AFF3: variants seen among roughly 807,000 people sequenced by gnomAD.
The protein encoded by AFF3 is ALF transcription elongation factor 3.
Under a neutral mutation model 129.7 loss-of-function variants are expected in AFF3, and 32 were observed. The observed-to-expected ratio is 0.25, with a 90% CI of 0.19 to 0.33. The LOEUF (loss-of-function observed/expected upper bound fraction) is 0.33. Ranked by LOEUF, AFF3 falls within the 10% of genes least tolerant of loss-of-function variation. The pLI, the probability that AFF3 is intolerant of heterozygous loss-of-function variation, is 1.00. For synonymous variants in AFF3, 644 were observed against 635.4 expected, an observed-to-expected ratio of 1.01 and a Z score of -0.20; for missense variants, 1,373 against 1,592.0, an observed-to-expected ratio of 0.86 and a Z score of 2.34.
chr2:99,913,184 G>C (rs1217034677), intron 7 of AFF3, among the ~76,000 whole-genome samples: 1 of 152,126 alleles, frequency 6.6e-6, no homozygotes, highest in Admixed American at 6.5e-5. Context: ...CATACAACAG[G>C]AAACTTTATA....
intron 4 of AFF3, among the ~76,000 whole-genome samples, chr2:100,039,417 G>A (rs974382575): frequency 1.3e-5 from 2 of 152,152 alleles, no homozygotes; most frequent in African/African-American, 4.8e-5. Flanking sequence ...AACTAGCCAG[G>A]TGTGGTGGCT....
chr2:99,572,286 T>TCCCCCCCC (rs1383965658), intron 18 of AFF3, among the ~76,000 whole-genome samples: 67 of 45,730 alleles, frequency 1.5e-3, no homozygotes, highest in Non-Finnish European at 1.7e-3. Context: ...CTCTTCCCCC[T>TCCCCCCCC]CCCACCACCC....
intron 20 of AFF3, among the ~76,000 whole-genome samples, chr2:99,562,832 T>C (rs917183679): frequency 6.6e-6 from 1 of 152,214 alleles, no homozygotes; most frequent in Non-Finnish European, 1.5e-5. Flanking sequence ...GTGGTTCCAA[T>C]GATAATTTAA....
chr2:99,836,781 A>G (rs1244355054), intron 8 of AFF3, among the ~76,000 whole-genome samples: 1 of 152,128 alleles, frequency 6.6e-6, no homozygotes, highest in Non-Finnish European at 1.5e-5. Flanking sequence ...GTGTAGTATC[A>G]GCTTTTTGAG....
intron 8 of AFF3, among the ~76,000 whole-genome samples, chr2:99,816,703 G>A (rs1326017151): frequency 6.6e-6 from 1 of 152,022 alleles, no homozygotes; most frequent in African/African-American, 2.4e-5. Context: ...GGTATCTGAT[G>A]TTCCGATTAA....
At chr2:100,139,638 C>T (rs1399278200) in intron 1 of AFF3, among the ~76,000 whole-genome samples, 2 of 152,112 alleles carry the variant, frequency 1.3e-5, no homozygotes, top group African/African-American at 4.8e-5. Flanking sequence ...ATGATGAGAA[C>T]AATGGTGCCA....
At chr2:99,907,267 C>T (rs560591849) in intron 7 of AFF3, among the ~76,000 whole-genome samples, 1 of 152,132 alleles carries the variant, frequency 6.6e-6, no homozygotes, top group Non-Finnish European at 1.5e-5. Context: ...TATGTAAAAC[C>T]TGTAAGTTGC....
chr2:99,552,399 C>T (rs944973912), intron 24 of AFF3, among the ~76,000 whole-genome samples: 1 of 152,070 alleles, frequency 6.6e-6, no homozygotes, highest in Non-Finnish European at 1.5e-5. Flanking sequence ...CAAAAACAAA[C>T]AAATATCTAT....
intron 4 of AFF3, among the ~76,000 whole-genome samples, chr2:100,080,418 G>T (rs1688955115): frequency 2.0e-5 from 3 of 151,748 alleles, no homozygotes; most frequent in Admixed American, 1.3e-4. Context: ...TTTATCTGGG[G>T]CCTTAGCTGA....
intron 14 of AFF3, among the ~76,000 whole-genome samples, chr2:99,600,998 G>A (rs1264326427): frequency 6.6e-6 from 1 of 152,010 alleles, no homozygotes; most frequent in Admixed American, 6.6e-5. Flanking sequence ...GTGACAAACC[G>A]CAAAAAGGTA....
chr2:99,716,183 T>C lies in AFF3; in HGVS notation c.1091+10894A>G, dbSNP rs148975824. Among the ~76,000 whole-genome samples the C allele has an allele frequency of 5.2e-3, 793 of 152,302 alleles. 7 individuals are homozygous for C. Among genetic ancestry groups the C allele is most frequent in the African/African-American group, 0.018 (729 of 41,558 alleles). ...CTTCATGGAATCTTGGAAATCTTCA[T>C]CTGCTCATTATTCCTAGAATTTTTC... On this transcript the variant is annotated intron_variant, in intron 11 of 24. Transcript: ENST00000672756.
chr2:100,032,069 T>G (rs1684537669), intron 4 of AFF3, among the ~76,000 whole-genome samples: 1 of 152,178 alleles, frequency 6.6e-6, no homozygotes, highest in Non-Finnish European at 1.5e-5. Context: ...CAAGTAGACT[T>G]ATAGTCTTGG....
At chr2:99,969,478 CATTT>C (rs6146857) in intron 7 of AFF3, among the ~76,000 whole-genome samples, 3 of 150,410 alleles carry the variant, frequency 2.0e-5, no homozygotes, top group South Asian at 2.1e-4. Context: ...ATTTTATTTT[CATTT>C]ATTTATTTAT....
chr2:99,700,956 C>T (rs533750053), intron 11 of AFF3, among the ~76,000 whole-genome samples: 1 of 152,288 alleles, frequency 6.6e-6, no homozygotes, highest in Admixed American at 6.5e-5. Flanking sequence ...ATTGAGGAGG[C>T]CCAATGCTTT....
intron 10 of AFF3, among the ~76,000 whole-genome samples, chr2:99,728,335 C>T (rs1401703315): frequency 1.3e-5 from 2 of 152,256 alleles, no homozygotes; most frequent in South Asian, 4.1e-4. Context: ...GTGGTAGTAA[C>T]TTGGTTTGCT....
intron 8 of AFF3, among the ~76,000 whole-genome samples, chr2:99,822,089 T>C (rs1228294699): frequency 1.3e-5 from 2 of 152,202 alleles, no homozygotes; most frequent in Non-Finnish European, 2.9e-5. Context: ...CTGGGAGGCC[T>C]GAGTTTAAAC....
chr2:100,139,261 A>G (rs1226444026), intron 1 of AFF3, among the ~76,000 whole-genome samples: 2 of 152,156 alleles, frequency 1.3e-5, no homozygotes, highest in Non-Finnish European at 2.9e-5. Flanking sequence ...GGTCCTGAGA[A>G]AGCTGCCACA....
At chr2:99,614,603 C>T (rs531819007) in intron 13 of AFF3, among the ~76,000 whole-genome samples, 1 of 152,342 alleles carries the variant, frequency 6.6e-6, no homozygotes, top group Admixed American at 6.5e-5. Context: ...GGTGCTGGAT[C>T]CCGTGCTCTC....
chr2:99,936,586 C>A (rs905035111), intron 7 of AFF3, among the ~76,000 whole-genome samples: 1 of 152,104 alleles, frequency 6.6e-6, no homozygotes, highest in African/African-American at 2.4e-5. Flanking sequence ...CATCTTCTAA[C>A]CTGTAGGATA....
Sources: gnomAD v4.1 joint callset for allele counts (sites outside exome capture counted in the v4.1 genomes callset) on GRCh38, gnomAD v4.1.1 for gene constraint, MANE v1.5 for transcripts, NCBI Gene and HGNC (gene_info 2026-07-23, HGNC 2026-07-21) for gene names.